The following HPSE2 variants were observed in gnomAD, a reference collection of about 807,000 sequenced individuals.
HPSE2 encodes inactive heparanase-2.
Under a neutral mutation model 60.5 loss-of-function variants are expected in HPSE2, and 38 were observed. The observed-to-expected ratio is 0.63, with a 90% confidence interval of 0.48 to 0.82. HPSE2 has a LOEUF of 0.82. Ranked by LOEUF, HPSE2 falls within the 40% of genes least tolerant of loss-of-function variation. The probability of loss-of-function intolerance (pLI) is 0.00; values close to 1 mark genes in which losing one functional copy is unlikely to be tolerated. For missense variants in HPSE2, 713 were observed against 740.4 expected (o/e 0.96, Z 0.43); for synonymous variants, 295 against 293.2 (o/e 1.01, Z -0.06).
chr10:99,097,455 C>G (rs1564803641), intron 3 of HPSE2, among the ~76,000 whole-genome samples: 1 of 152,076 alleles, frequency 6.6e-6, no homozygotes, highest in Non-Finnish European at 1.5e-5. Flanking sequence ...AAATAACTGA[C>G]CTGGCCCAAT....
intron 2 of HPSE2, among the ~76,000 whole-genome samples, chr10:99,224,213 G>C (rs899204189): frequency 6.6e-6 from 1 of 151,922 alleles, no homozygotes; most frequent in East Asian, 1.9e-4. Flanking sequence ...AAACTGAATG[G>C]AACTGAACTC....
intron 6 of HPSE2, among the ~76,000 whole-genome samples, chr10:98,682,291 T>C (rs1194879385): frequency 6.6e-6 from 1 of 152,198 alleles, no homozygotes; most frequent in Non-Finnish European, 1.5e-5. Context: ...GAAAGTTCCC[T>C]GAGTCCTCCC....
chr10:99,292,615 A>C, the HPSE2 span, among the ~76,000 whole-genome samples: 1 of 152,250 alleles, frequency 6.6e-6, no homozygotes. Flanking sequence ...AAAATTCACT[A>C]ACAGCTATAT....
chr10:98,940,887 A>C (rs76930505), intron 3 of HPSE2, among the ~76,000 whole-genome samples: 1,061 of 113,250 alleles, frequency 9.4e-3, no homozygotes, highest in Middle Eastern at 0.037. Flanking sequence ...TATCCACCAT[A>C]ATCAAGTGGG....
chr10:98,589,231 T>A (rs1434506112), intron 9 of HPSE2, among the ~76,000 whole-genome samples: 2 of 152,158 alleles, frequency 1.3e-5, no homozygotes, highest in Admixed American at 6.5e-5. Flanking sequence ...AGCTGTGTAG[T>A]CATAACATCC....
Position 98,591,073 on chromosome 10 carries a change from C to A in HPSE2, c.1320+23831G>T, listed in dbSNP as rs539009676. 2.6e-5 allele frequency among the ~76,000 whole-genome samples: 4 copies of A among 152,046 alleles called. No homozygotes were observed. The South Asian group carries it at 6.3e-4, about 24-fold the overall frequency. On this transcript the variant is annotated intron_variant, in intron 9 of 11. Coordinates refer to ENST00000370552, the MANE Select transcript of HPSE2 (RefSeq NM_021828.5). ...TAGTAATCTTCCCTGTACAGTTATA[C>A]CTATGAGCTATATACATTTATTTAG...
Position 99,170,846 on chromosome 10 carries a change from T to C in HPSE2, c.449-26447A>G, listed in dbSNP as rs577731488. On this transcript the variant is annotated intron_variant, in intron 2 of 11. Transcript: ENST00000370552. ...GTCTGTTGATTCAACCAACCACTGA[T>C]CGAAAACATTTTTTAATTGTGTCTA... is the stretch of plus-strand genomic sequence containing the variant. Among the ~76,000 whole-genome samples the C allele has an allele frequency of 1.5e-4, 23 of 152,332 alleles. No individual in the cohort carries two copies. The South Asian group carries it at 2.1e-3, about 14-fold the overall frequency.
At chr10:98,656,823 C>A (rs1947080504) in intron 6 of HPSE2, among the ~76,000 whole-genome samples, 1 of 150,246 alleles carries the variant, frequency 6.7e-6, no homozygotes, top group Admixed American at 6.6e-5. Flanking sequence ...GTGCAGTGGC[C>A]TGATTTTGGC....
At chr10:98,589,522 T>G (rs1443889928) in intron 9 of HPSE2, among the ~76,000 whole-genome samples, 1 of 152,200 alleles carries the variant, frequency 6.6e-6, no homozygotes, top group Non-Finnish European at 1.5e-5. Flanking sequence ...CCTTTTAGTT[T>G]CCACCCAGGA....
chr10:99,206,233 A>G (rs1848740169), intron 2 of HPSE2, among the ~76,000 whole-genome samples: 1 of 152,218 alleles, frequency 6.6e-6, no homozygotes, highest in Non-Finnish European at 1.5e-5. Flanking sequence ...AAAAAACAAA[A>G]TATGTGTTAA....
chr10:98,981,004 C>T (rs1423687016), intron 3 of HPSE2, among the ~76,000 whole-genome samples: 1 of 152,046 alleles, frequency 6.6e-6, no homozygotes. Context: ...TAGTAGCTAT[C>T]TCTCATGGAA....
In HPSE2 at chr10:98,523,132, T is replaced by C. The variant is rs542338959; in HGVS notation, c.1321-32936A>G. On this transcript the variant is annotated intron_variant, in intron 9 of 11. Coordinates refer to ENST00000370552, the MANE Select transcript of HPSE2 (RefSeq NM_021828.5). Reference sequence around the variant, plus strand: ...TGTTTTGTTTGTTTGTTTGTTTGTTTCCAGCTATCACCTTGTCCTTACTAT... The same window carrying C: ...TGTTTTGTTTGTTTGTTTGTTTGTTCCCAGCTATCACCTTGTCCTTACTAT... 2.0e-5 allele frequency among the ~76,000 whole-genome samples: 3 copies of C among 151,028 alleles called. No homozygotes were observed. The East Asian group carries it at 5.9e-4, about 30-fold the overall frequency.
At chr10:99,025,811 CA>C (rs375076466) in intron 3 of HPSE2, among the ~76,000 whole-genome samples, 1 of 151,746 alleles carries the variant, frequency 6.6e-6, no homozygotes, top group African/African-American at 2.4e-5. Context: ...ATAATATGTA[CA>C]AAAAACCCTT....
chr10:98,780,461 T>C (rs932456327), intron 3 of HPSE2, among the ~76,000 whole-genome samples: 1 of 152,182 alleles, frequency 6.6e-6, no homozygotes, highest in Non-Finnish European at 1.5e-5. Flanking sequence ...AAATCACAGA[T>C]GCATACTTAG....
chr10:99,260,635 C>T, the HPSE2 span, among the ~76,000 whole-genome samples: 100 of 152,294 alleles, frequency 6.6e-4, no homozygotes, highest in African/African-American at 2.4e-3. Context: ...GGCGCAGTCC[C>T]GGACTCGGGA....
chr10:98,627,059 C>T (rs542087551), intron 7 of HPSE2, among the ~76,000 whole-genome samples: 18 of 152,312 alleles, frequency 1.2e-4, no homozygotes, highest in African/African-American at 4.3e-4. Flanking sequence ...AGGCATGAGC[C>T]ACCGCACCCG....
intron 3 of HPSE2, among the ~76,000 whole-genome samples, chr10:98,809,040 A>G (rs777416013): frequency 6.6e-6 from 1 of 152,154 alleles, no homozygotes; most frequent in Non-Finnish European, 1.5e-5. Flanking sequence ...TATCGTCCAG[A>G]TATCTACCTT....
At chr10:98,555,611 T>C (rs924432265) in intron 9 of HPSE2, among the ~76,000 whole-genome samples, 4 of 152,352 alleles carry the variant, frequency 2.6e-5, no homozygotes, top group African/African-American at 9.6e-5. Flanking sequence ...GATTCTATAC[T>C]TAACTATTCT....
chr10:98,554,410 G>C (rs1412727284), intron 9 of HPSE2, among the ~76,000 whole-genome samples: 1 of 152,140 alleles, frequency 6.6e-6, no homozygotes, highest in East Asian at 1.9e-4. Context: ...GAAAATAACT[G>C]TCTGTTTCTC....
Sources: gnomAD v4.1 joint callset for allele counts (sites outside exome capture counted in the v4.1 genomes callset) on GRCh38, gnomAD v4.1.1 for gene constraint, MANE v1.5 for transcripts, NCBI Gene and HGNC (gene_info 2026-07-23, HGNC 2026-07-21) for gene names.